The following LRRC4C variants were observed in gnomAD, a reference collection of about 807,000 sequenced individuals.
The protein encoded by LRRC4C is leucine rich repeat containing 4C, also known as leucine-rich repeat-containing protein 4C.
A neutral mutation model predicts 33.6 loss-of-function variants in LRRC4C; 5 were observed. The ratio of observed to expected loss-of-function variants is 0.15; its 90% confidence interval spans 0.08 to 0.31. The LOEUF (loss-of-function observed/expected upper bound fraction) is 0.31. Among genes scored for constraint, LRRC4C ranks in the 10% least tolerant of loss-of-function variants. The pLI, the probability that LRRC4C is intolerant of heterozygous loss-of-function variation, is 1.00. For synonymous variants in LRRC4C, 329 were observed against 302.0 expected (o/e 1.09, Z -0.93); for missense variants, 560 against 796.7 (o/e 0.70, Z 3.58).
At chr11:41,078,416 G>C (rs1939314963) in intron 1 of LRRC4C, among the ~76,000 whole-genome samples, 1 of 152,090 alleles carries the variant, frequency 6.6e-6, no homozygotes, top group Admixed American at 6.5e-5. Context: ...GTGATACTGG[G>C]TAATTTATGA....
At chr11:40,214,516 C>T (rs1215131211) in intron 5 of LRRC4C, among the ~76,000 whole-genome samples, 4 of 152,080 alleles carry the variant, frequency 2.6e-5, no homozygotes, top group Non-Finnish European at 5.9e-5. Flanking sequence ...GAGCCCAAAG[C>T]CCAAAAGTTA....
At chr11:41,190,679 C>T (rs1357392362) in intron 1 of LRRC4C, among the ~76,000 whole-genome samples, 2 of 152,162 alleles carry the variant, frequency 1.3e-5, no homozygotes, top group African/African-American at 4.8e-5. Context: ...CACTTGCATA[C>T]ACAAAAATAT....
intron 4 of LRRC4C, among the ~76,000 whole-genome samples, 155 bp downstream of exon 4, chr11:40,319,473 G>A (rs187369415): frequency 1.3e-5 from 2 of 152,274 alleles, no homozygotes; most frequent in Non-Finnish European, 2.9e-5. Flanking sequence ...GCACTGAAAT[G>A]TTATCCCCAA....
At chr11:40,739,263 T>C (rs116349364) in intron 2 of LRRC4C, among the ~76,000 whole-genome samples, 52 of 152,140 alleles carry the variant, frequency 3.4e-4, no homozygotes, top group African/African-American at 1.2e-3. Flanking sequence ...TCTGCTCCTA[T>C]TAGCTCAACT....
intron 1 of LRRC4C, among the ~76,000 whole-genome samples, chr11:41,161,888 G>A (rs1415344514): frequency 6.6e-6 from 1 of 152,158 alleles, no homozygotes; most frequent in Non-Finnish European, 1.5e-5. Context: ...ACACCTCTAG[G>A]TGGTTTCACC....
chr11:40,180,161 C>G (rs749321444), intron 5 of LRRC4C, among the ~76,000 whole-genome samples: 1 of 152,072 alleles, frequency 6.6e-6, no homozygotes, highest in Non-Finnish European at 1.5e-5. Flanking sequence ...TATTTAAAAC[C>G]AGGCTTTTTA....
At chr11:41,154,896 G>A (rs1205253466) in intron 1 of LRRC4C, among the ~76,000 whole-genome samples, 4 of 152,130 alleles carry the variant, frequency 2.6e-5, no homozygotes, top group African/African-American at 4.8e-5. Flanking sequence ...TCACTAGAGT[G>A]GTACGATTAT....
At chr11:40,457,635 G>C (rs1352107201) in intron 3 of LRRC4C, among the ~76,000 whole-genome samples, 1 of 140,482 alleles carries the variant, frequency 7.1e-6, no homozygotes, top group African/African-American at 3.2e-5. Context: ...TCCTTTAATA[G>C]TTTAATAGCT....
intron 4 of LRRC4C, among the ~76,000 whole-genome samples, chr11:40,291,846 C>A (rs369728076): frequency 3.9e-5 from 6 of 151,908 alleles, no homozygotes; most frequent in African/African-American, 1.5e-4. Flanking sequence ...CATCTAACTC[C>A]GGGGCTGACA....
At chr11:40,532,869 C>A (rs1459150694) in intron 3 of LRRC4C, among the ~76,000 whole-genome samples, 1 of 151,992 alleles carries the variant, frequency 6.6e-6, no homozygotes, top group African/African-American at 2.4e-5. Flanking sequence ...GCTGGAGAGG[C>A]CTCAAGAAAC....
intron 1 of LRRC4C, among the ~76,000 whole-genome samples, chr11:41,348,846 C>T (rs1201962129): frequency 6.6e-6 from 1 of 152,138 alleles, no homozygotes; most frequent in Non-Finnish European, 1.5e-5. Flanking sequence ...GGAGACTGGA[C>T]AACCCCCACA....
chr11:41,004,918 T>A (rs1272230784), intron 1 of LRRC4C, among the ~76,000 whole-genome samples: 1 of 152,174 alleles, frequency 6.6e-6, no homozygotes, highest in Non-Finnish European at 1.5e-5. Context: ...TAAAAGATGG[T>A]TAGAAAACAG....
chr11:40,732,325 A>T (rs982994048), intron 2 of LRRC4C, among the ~76,000 whole-genome samples: 11 of 152,162 alleles, frequency 7.2e-5, no homozygotes, highest in Non-Finnish European at 1.5e-4. Context: ...CAAAAAAGTA[A>T]ATATTGGCGT....
At chr11:40,529,701 A>G (rs184146080) in intron 3 of LRRC4C, among the ~76,000 whole-genome samples, 1 of 152,178 alleles carries the variant, frequency 6.6e-6, no homozygotes, top group Admixed American at 6.6e-5. Flanking sequence ...AAAACACTGC[A>G]TTGAACTTAT....
At chr11:40,677,041 A>T (rs1944439946) in intron 2 of LRRC4C, among the ~76,000 whole-genome samples, 1 of 152,122 alleles carries the variant, frequency 6.6e-6, no homozygotes, top group African/African-American at 2.4e-5. Context: ...CCTGTGTTTC[A>T]CATATTTCTC....
At chr11:41,095,545 A>G (rs941580469) in intron 1 of LRRC4C, among the ~76,000 whole-genome samples, 4 of 152,220 alleles carry the variant, frequency 2.6e-5, no homozygotes, top group African/African-American at 9.6e-5. Flanking sequence ...CCCATGGTTC[A>G]GTGCACTTTG....
intron 2 of LRRC4C, among the ~76,000 whole-genome samples, chr11:40,694,739 G>A (rs149713574): frequency 1.3e-5 from 2 of 152,142 alleles, no homozygotes; most frequent in African/African-American, 2.4e-5. Context: ...AGGCAATGTC[G>A]CACCTATACA....
intron 2 of LRRC4C, among the ~76,000 whole-genome samples, chr11:40,802,093 A>G (rs1454099810): frequency 4.6e-5 from 7 of 152,178 alleles, no homozygotes; most frequent in Non-Finnish European, 7.3e-5. Context: ...ACAAGCTTGC[A>G]TCTTCTTCTG....
intron 1 of LRRC4C, among the ~76,000 whole-genome samples, chr11:41,036,233 A>T (rs1382556235): frequency 6.6e-6 from 1 of 152,154 alleles, no homozygotes; most frequent in Non-Finnish European, 1.5e-5. Context: ...TCTTAAATTC[A>T]TTCTGGGTTT....
Sources: allele counts gnomAD v4.1 joint callset (sites outside exome capture counted in the v4.1 genomes callset), GRCh38; gene constraint gnomAD v4.1.1; transcripts MANE v1.5; gene names NCBI Gene and HGNC (gene_info 2026-07-23, HGNC 2026-07-21).